DHX32: variants seen among roughly 807,000 people sequenced by gnomAD.
The protein encoded by DHX32 is putative pre-mRNA-splicing factor ATP-dependent RNA helicase DHX32.
DHX32 carries 51 observed loss-of-function variants against 70.0 expected under a neutral mutation model. That is an observed-to-expected ratio of 0.73 (90% CI 0.58 to 0.92). DHX32 has a LOEUF of 0.92. Among genes scored for constraint, DHX32 ranks in the 40% least tolerant of loss-of-function variants. The probability of loss-of-function intolerance (pLI) is 0.00; values close to 1 mark genes in which losing one functional copy is unlikely to be tolerated. For missense variants in DHX32, 762 were observed against 891.8 expected, an observed-to-expected ratio of 0.85 and a Z score of 1.85; for synonymous variants, 310 against 315.3, an observed-to-expected ratio of 0.98 and a Z score of 0.18.
rs936137218 is a variant in DHX32, at chr10:125,859,029, TTTTGTTTGTTTG to T, written c.849+562_849+573del. On this transcript the variant is annotated intron_variant, in intron 3 of 10. Transcript: ENST00000284690. ...AGAAATCTGAGTTAAAGGTTTTTTT[TTTTGTTTGTTTG>T]TTTGTTTTTTTTTTTTTTTTTTAAT... is the stretch of plus-strand genomic sequence containing the variant. Among the ~76,000 whole-genome samples, 296 of 146,676 alleles carry T rather than the reference TTTTGTTTGTTTG, an allele frequency of 2.0e-3. 3 individuals are homozygous for T. The South Asian group carries it at 0.023, about 11-fold the overall frequency.
intron 6 of DHX32, 154 bp from the exon 7 acceptor site, chr10:125,842,088 A>G (rs1355455172): frequency 1.9e-6 from 2 of 1,029,902 alleles, no homozygotes; most frequent in Non-Finnish European, 2.6e-6. Flanking sequence ...GGAGTGAAGG[A>G]TAGTGATTCT....
intron 6 of DHX32, among the ~76,000 whole-genome samples, chr10:125,846,988 G>C (rs1944030194): frequency 6.6e-6 from 1 of 152,224 alleles, no homozygotes; most frequent in Non-Finnish European, 1.5e-5. Flanking sequence ...TCAATGGACA[G>C]AGAGAAATGC....
chr10:125,895,514 C>CT (rs1278077429), intron 1 of DHX32, among the ~76,000 whole-genome samples: 3 of 152,222 alleles, frequency 2.0e-5, no homozygotes, highest in Non-Finnish European at 4.4e-5. Context: ...CTATGATACT[C>CT]TCCTGGTTGT....
chr10:125,884,445 G>A (rs74162862), upstream of DHX32, among the ~76,000 whole-genome samples: 13,248 of 152,242 alleles, frequency 0.087, 726 homozygotes, highest in South Asian at 0.22. Flanking sequence ...ATTTAAATCT[G>A]AAAGATTGAC....
intron 6 of DHX32, among the ~76,000 whole-genome samples, chr10:125,843,273 A>G (rs765462587): frequency 1.4e-4 from 22 of 152,266 alleles, no homozygotes; most frequent in Non-Finnish European, 2.5e-4. Flanking sequence ...TCAAAGTAAC[A>G]TATGGTAAAA....
At chr10:125,853,459 AG>A (rs2134046338) in intron 4 of DHX32, 1 of 277,778 alleles carries the variant, frequency 3.6e-6, no homozygotes, top group South Asian at 1.4e-4. Context: ...TGTAATGATT[AG>A]GATGAAAATT....
chr10:125,860,328 C>T (rs1320937794), intron 2 of DHX32, among the ~76,000 whole-genome samples: 2 of 152,136 alleles, frequency 1.3e-5, no homozygotes, highest in African/African-American at 4.8e-5. Context: ...CATAAAACAC[C>T]CTGGTCAATT....
intron 2 of DHX32, 136 bp from the exon 3 acceptor site, chr10:125,860,111 T>C (rs903053823): frequency 5.3e-5 from 38 of 722,710 alleles, no homozygotes; most frequent in Non-Finnish European, 8.1e-5. Context: ...CCAAAATTCC[T>C]TTAAGTTGAT....
Position 125,836,725 on chromosome 10 carries a change from T to G in DHX32, c.2194A>C (p.Thr732Pro), listed in dbSNP as rs1255902924. Residue 732 changes from threonine (T) to proline (P), a missense_variant, in exon 11 of 11, where the codon ACG (threonine) becomes CCG (proline). Thr to Pro is a conservative substitution (Grantham distance 38). Transcript: ENST00000284690. Reference sequence around the variant, plus strand: ...CATCTCTGTTCAGTTTCAGGGCACGTCTCACACATTTGCTGTTCCTTATTC... The same window carrying G: ...CATCTCTGTTCAGTTTCAGGGCACGGCTCACACATTTGCTGTTCCTTATTC... ...TMNKEQQMCE[T>P]CPETEQRCTL... 6.2e-7 allele frequency: 1 copy of G among 1,614,216 alleles called. No homozygotes were observed. The highest frequency in any genetic ancestry group is 1.1e-5 in the South Asian group (1 of 91,088).
intron 1 of DHX32, among the ~76,000 whole-genome samples, chr10:125,872,780 A>C (rs543416598): frequency 1.3e-5 from 2 of 152,272 alleles, no homozygotes; most frequent in East Asian, 3.9e-4. Flanking sequence ...ATGCAAGGTA[A>C]GCAATCGAGG....
At chr10:125,867,493 T>C (rs538613552) in intron 1 of DHX32, among the ~76,000 whole-genome samples, 13 of 152,126 alleles carry the variant, frequency 8.5e-5, no homozygotes, top group Admixed American at 3.3e-4. Context: ...TCCCAGCACT[T>C]TGGGAGGCCG....
At chr10:125,847,928 G>A (rs922531870) in intron 6 of DHX32, among the ~76,000 whole-genome samples, 6 of 152,154 alleles carry the variant, frequency 3.9e-5, no homozygotes, top group African/African-American at 1.2e-4. Flanking sequence ...AGTAATGCTC[G>A]CTTGCCCCCC....
intron 1 of DHX32, among the ~76,000 whole-genome samples, chr10:125,887,930 A>G (rs1655244203): frequency 6.6e-6 from 1 of 152,182 alleles, no homozygotes; most frequent in African/African-American, 2.4e-5. Flanking sequence ...CAATATATCC[A>G]CTTCCATGTA....
chr10:125,846,816 C>T (rs1036323966), intron 6 of DHX32, among the ~76,000 whole-genome samples: 4 of 152,070 alleles, frequency 2.6e-5, no homozygotes, highest in Non-Finnish European at 5.9e-5. Context: ...TGGGCGTTTT[C>T]GACTTTAGAC....
chr10:125,857,532 G>A (rs1374789007), intron 3 of DHX32, among the ~76,000 whole-genome samples: 1 of 152,214 alleles, frequency 6.6e-6, no homozygotes, highest in Non-Finnish European at 1.5e-5. Flanking sequence ...CTGCAAGACT[G>A]ATGGTTTCTT....
At chr10:125,845,270 GT>G (rs1944000087) in intron 6 of DHX32, among the ~76,000 whole-genome samples, 1 of 152,148 alleles carries the variant, frequency 6.6e-6, no homozygotes, top group Admixed American at 6.5e-5. Context: ...GTCTACTCAG[GT>G]GCTCAGGAGG....
chr10:125,844,446 G>T (rs1386706109), intron 6 of DHX32, among the ~76,000 whole-genome samples: 1 of 152,192 alleles, frequency 6.6e-6, no homozygotes, highest in Non-Finnish European at 1.5e-5. Flanking sequence ...GCCGCACACA[G>T]GGTTAGTAAC....
At chr10:125,884,822 GCTTA>G (rs1944333999), upstream of DHX32, among the ~76,000 whole-genome samples, 1 of 151,598 alleles carries the variant, frequency 6.6e-6, no homozygotes, top group Admixed American at 6.6e-5. Context: ...CAATATTACT[GCTTA>G]CTTTTCATGT....
chr10:125,882,333 T>C (rs1944321987), upstream of DHX32, among the ~76,000 whole-genome samples: 1 of 152,254 alleles, frequency 6.6e-6, no homozygotes, highest in Non-Finnish European at 1.5e-5. Context: ...ACCTTAATTA[T>C]TGCTTTAGAT....
Sources: gnomAD v4.1 joint callset for allele counts (sites outside exome capture counted in the v4.1 genomes callset) on GRCh38, gnomAD v4.1.1 for gene constraint, MANE v1.5 for transcripts, NCBI Gene and HGNC (gene_info 2026-07-23, HGNC 2026-07-21) for gene names.